The following SHLD1 variants were observed in gnomAD, a reference collection of about 807,000 sequenced individuals.
SHLD1 encodes RINN1-REV7-interacting novel NHEJ regulator 3.
SHLD1 carries 3 observed loss-of-function variants against 5.5 expected under a neutral mutation model. That is an observed-to-expected ratio of 0.54 (90% CI 0.25 to 1.40). The LOEUF (loss-of-function observed/expected upper bound fraction) is 1.40. Among genes scored for constraint, SHLD1 ranks in the 40% most tolerant of loss-of-function variants. SHLD1 has a pLI of 0.15. For missense variants in SHLD1, 210 were observed against 244.4 expected, an observed-to-expected ratio of 0.86 and a Z score of 0.94; for synonymous variants, 92 against 94.3, an observed-to-expected ratio of 0.98 and a Z score of 0.14.
At chr20:5,799,204 G>GAA (rs71197801) in intron 2 of SHLD1, among the ~76,000 whole-genome samples, 1 of 143,926 alleles carries the variant, frequency 6.9e-6, no homozygotes, top group African/African-American at 2.6e-5. Context: ...CTCTGTCTCA[G>GAA]AAAAAAAAAA....
chr20:5,847,717 T>C (rs1448752524), intron 2 of SHLD1, among the ~76,000 whole-genome samples: 1 of 152,182 alleles, frequency 6.6e-6, no homozygotes, highest in Non-Finnish European at 1.5e-5. Flanking sequence ...GATACAACTT[T>C]AGTGTCTGAC....
chr20:5,827,343 C>T (rs1462739101), intron 2 of SHLD1, among the ~76,000 whole-genome samples: 1 of 152,200 alleles, frequency 6.6e-6, no homozygotes, highest in Non-Finnish European at 1.5e-5. Context: ...GGCTCCCAAC[C>T]CGAAGCTGGA....
intron 1 of SHLD1, among the ~76,000 whole-genome samples, chr20:5,763,508 T>C (rs990993466): frequency 6.6e-6 from 1 of 152,170 alleles, no homozygotes; most frequent in Non-Finnish European, 1.5e-5. Flanking sequence ...ATGTTCATCT[T>C]ATCTTCTGTA....
chr20:5,850,461 G>C (rs1354059160), intron 2 of SHLD1, among the ~76,000 whole-genome samples: 1 of 151,314 alleles, frequency 6.6e-6, no homozygotes, highest in Non-Finnish European at 1.5e-5. Flanking sequence ...CCTCGACCTG[G>C]TCTGTCTGAG....
chr20:5,862,816 C>T (rs948330011), intron 2 of SHLD1, among the ~76,000 whole-genome samples: 1 of 152,210 alleles, frequency 6.6e-6, no homozygotes, highest in Non-Finnish European at 1.5e-5. Flanking sequence ...CCTTGGTCCA[C>T]ACAAGTAATA....
intron 2 of SHLD1, among the ~76,000 whole-genome samples, chr20:5,847,024 C>G (rs1308557464): frequency 2.6e-5 from 4 of 152,024 alleles, no homozygotes; most frequent in Non-Finnish European, 4.4e-5. Flanking sequence ...CTCCCCTGCT[C>G]GGCCCATCAT....
intron 2 of SHLD1, among the ~76,000 whole-genome samples, chr20:5,783,471 AC>A (rs2087014743): frequency 6.6e-6 from 1 of 152,026 alleles, no homozygotes; most frequent in Non-Finnish European, 1.5e-5. Flanking sequence ...TGATCCACCT[AC>A]CTTGGCCTCC....
intron 2 of SHLD1, among the ~76,000 whole-genome samples, chr20:5,813,494 A>G (rs2087488112): frequency 6.6e-6 from 1 of 152,132 alleles, no homozygotes; most frequent in Admixed American, 6.5e-5. Flanking sequence ...GTCTCTAAAT[A>G]AATAAATAAT....
Position 5,863,687 on chromosome 20 carries a change from C to T in SHLD1, c.*224C>T, listed in dbSNP as rs909842508. The T allele has an allele frequency of 2.9e-5, 14 of 489,130 alleles. No homozygotes were observed. The highest frequency in any genetic ancestry group is 7.8e-5 in the African/African-American group (4 of 51,172). 30.3% of individuals were successfully genotyped at this position (489,130 alleles called of 1,614,324 possible). ...AGTTCTCCGTCCTCTTGGCCAAGGC[C>T]GCTGACTGACTGGGCTACGAGTCAA... is the stretch of plus-strand genomic sequence containing the variant. On this transcript the variant is annotated 3_prime_UTR_variant, in exon 3 of 3. Coordinates refer to ENST00000303142, the MANE Select transcript of SHLD1 (RefSeq NM_152504.4).
chr20:5,810,711 G>A lies in SHLD1; in HGVS notation c.178+37668G>A, dbSNP rs367751613. On this transcript the variant is annotated intron_variant, in intron 2 of 2. Coordinates refer to ENST00000303142, the MANE Select transcript of SHLD1 (RefSeq NM_152504.4). ...GAGTTTTGAGACCAGACTGGCCAAC[G>A]TGGTGAAACCATGTCTCCACAAAAA... is the stretch of plus-strand genomic sequence containing the variant. Among the ~76,000 whole-genome samples, 273 of 150,846 alleles carry A rather than the reference G, an allele frequency of 1.8e-3. 3 individuals are homozygous for A. The highest frequency in any genetic ancestry group is 6.9e-3 in the South Asian group (33 of 4,816).
intron 2 of SHLD1, among the ~76,000 whole-genome samples, chr20:5,823,143 C>T (rs550734229): frequency 2.6e-5 from 4 of 152,168 alleles, no homozygotes; most frequent in East Asian, 1.9e-4. Context: ...CCCCCCTTCC[C>T]GGATACCTGT....
At chr20:5,826,535 A>G (rs2087667288) in intron 2 of SHLD1, among the ~76,000 whole-genome samples, 1 of 151,888 alleles carries the variant, frequency 6.6e-6, no homozygotes, top group Non-Finnish European at 1.5e-5. Flanking sequence ...TTCCTTTGAC[A>G]GTCCTCACAG....
At chr20:5,783,755 GAT>G (rs1297775559) in intron 2 of SHLD1, among the ~76,000 whole-genome samples, 1 of 152,160 alleles carries the variant, frequency 6.6e-6, no homozygotes, top group Non-Finnish European at 1.5e-5. Context: ...ACAAGTTTGA[GAT>G]TGAGTGGGGT....
chr20:5,835,158 A>G (rs925189892), intron 2 of SHLD1, among the ~76,000 whole-genome samples: 4 of 152,182 alleles, frequency 2.6e-5, no homozygotes, highest in African/African-American at 9.7e-5. Flanking sequence ...AAATAAGAGA[A>G]GTCTACCTCT....
At chr20:5,827,795 C>T (rs773391896) in intron 2 of SHLD1, among the ~76,000 whole-genome samples, 25 of 152,342 alleles carry the variant, frequency 1.6e-4, no homozygotes, top group Admixed American at 5.2e-4. Flanking sequence ...GCTGATTCGA[C>T]ACGTACTTCA....
chr20:5,796,760 C>T (rs1454756719), intron 2 of SHLD1, among the ~76,000 whole-genome samples: 2 of 148,242 alleles, frequency 1.3e-5, no homozygotes, highest in East Asian at 2.0e-4. Context: ...GCCCAAGAGG[C>T]GGAGGTTGCA....
At chr20:5,756,151 C>T (rs632438) in intron 1 of SHLD1, among the ~76,000 whole-genome samples, 1 of 151,814 alleles carries the variant, frequency 6.6e-6, no homozygotes, top group Non-Finnish European at 1.5e-5. Context: ...TTTCCATCAT[C>T]GCCTGAACTA....
Position 5,860,888 on chromosome 20 carries a change from A to T in SHLD1, c.179-2136A>T, listed in dbSNP as rs1326406722. ...CTTTACTATTCTTTAAAAAAAAAAA[A>T]AAAAAAAAAAAAAAAAAAAAAAAGA... On this transcript the variant is annotated intron_variant, in intron 2 of 2. Coordinates refer to ENST00000303142, the MANE Select transcript of SHLD1 (RefSeq NM_152504.4). 1.2e-4 allele frequency among the ~76,000 whole-genome samples: 3 copies of T among 25,670 alleles called. No individual in the cohort carries two copies. In the Admixed American group the frequency reaches 1.2e-3, roughly 10 times the overall value. 16.8% of individuals were successfully genotyped at this position (25,670 alleles called of 152,430 possible). A position where few individuals can be genotyped will look rare whatever the true frequency, so the allele number is the denominator to read the frequency against.
intron 1 of SHLD1, among the ~76,000 whole-genome samples, chr20:5,768,068 G>A (rs190581451): frequency 2.8e-4 from 41 of 148,130 alleles, no homozygotes; most frequent in African/African-American, 9.5e-4. Flanking sequence ...TCTGCCTCCC[G>A]GGTTCAAGCA....
Sources: gnomAD v4.1 joint callset for allele counts (sites outside exome capture counted in the v4.1 genomes callset) on GRCh38, gnomAD v4.1.1 for gene constraint, MANE v1.5 for transcripts, NCBI Gene and HGNC (gene_info 2026-07-23, HGNC 2026-07-21) for gene names.